Variants in RASAL2 observed in about 807,000 individuals in gnomAD.
RASAL2 encodes RAS protein activator like 2.
In RASAL2, 58 loss-of-function variants were observed where a neutral mutation model predicts 128.9. That is an observed-to-expected ratio of 0.45 (90% CI 0.36 to 0.56). The LOEUF (loss-of-function observed/expected upper bound fraction) is 0.56. RASAL2 is among the 20% of genes least tolerant of loss of function. The probability of loss-of-function intolerance (pLI) is 0.00; values close to 1 mark genes in which losing one functional copy is unlikely to be tolerated. For missense variants in RASAL2, 1,360 were observed against 1,601.6 expected, an observed-to-expected ratio of 0.85 and a Z score of 2.57; for synonymous variants, 561 against 580.8, an observed-to-expected ratio of 0.97 and a Z score of 0.49.
Position 178,477,846 on chromosome 1 carries a change from T to A in RASAL2, c.*4607T>A, listed in dbSNP as rs1648786361. The A allele has an allele frequency of 1.3e-5, 2 of 152,232 alleles. No individual in the cohort carries two copies. The highest frequency in any genetic ancestry group is 4.8e-5 in the African/African-American group (2 of 41,458). The allele number at this position is 152,232 out of a possible 1,614,324, so 9.4% of individuals were successfully genotyped here. On this transcript the variant is annotated 3_prime_UTR_variant, in exon 18 of 18. Coordinates refer to ENST00000367649, the MANE Select transcript of RASAL2 (RefSeq NM_170692.4). ...TATGTATATATAAGTTAAAGCAACT[T>A]GAAATTGACTTGGTTTGGCATTGTC...
intron 1 of RASAL2, among the ~76,000 whole-genome samples, chr1:178,242,675 C>T (rs1664568820): frequency 6.6e-6 from 1 of 151,932 alleles, no homozygotes; most frequent in African/African-American, 2.4e-5. Flanking sequence ...CTTTGAATAC[C>T]CTTTTAGCTC....
chr1:178,206,827 A>G (rs1342614141), intron 1 of RASAL2, among the ~76,000 whole-genome samples: 1 of 152,216 alleles, frequency 6.6e-6, no homozygotes, highest in Non-Finnish European at 1.5e-5. Context: ...CAATAGTGGA[A>G]TGGCTGAATA....
chr1:178,274,771 G>A (rs914974164), intron 1 of RASAL2, among the ~76,000 whole-genome samples: 2 of 151,982 alleles, frequency 1.3e-5, no homozygotes, highest in African/African-American at 4.8e-5. Context: ...TACTCTTTTT[G>A]TAGAGCCAGG....
intron 1 of RASAL2, among the ~76,000 whole-genome samples, chr1:178,113,241 A>G (rs1253288416): frequency 6.6e-6 from 1 of 151,990 alleles, no homozygotes; most frequent in Non-Finnish European, 1.5e-5. Flanking sequence ...TTTGATTACT[A>G]TAGATTAATG....
At chr1:178,351,606 G>A (rs1670507814) in intron 3 of RASAL2, among the ~76,000 whole-genome samples, 3 of 152,086 alleles carry the variant, frequency 2.0e-5, no homozygotes, top group South Asian at 2.1e-4. Flanking sequence ...TGGCGCGGCT[G>A]TAGTCCCAGC....
At chr1:178,442,431 C>G (rs143493807) in intron 7 of RASAL2, among the ~76,000 whole-genome samples, 210 of 151,892 alleles carry the variant, frequency 1.4e-3, no homozygotes, top group African/African-American at 4.3e-3. Context: ...ATTTTCTTAA[C>G]CCAAGTAAAT....
At chr1:178,290,399 TAAAA>T (rs1667221754) in intron 2 of RASAL2, among the ~76,000 whole-genome samples, 1 of 152,172 alleles carries the variant, frequency 6.6e-6, no homozygotes, top group African/African-American at 2.4e-5. Context: ...CTAAAACTAA[TAAAA>T]AGAGAAAAAT....
At chr1:178,121,515 TCTCA>T (rs1292083546) in intron 1 of RASAL2, among the ~76,000 whole-genome samples, 1 of 151,436 alleles carries the variant, frequency 6.6e-6, no homozygotes, top group Non-Finnish European at 1.5e-5. Flanking sequence ...TGGGATGGAG[TCTCA>T]CTCTTGCCCA....
At chr1:178,178,295 A>C (rs1029433940) in intron 1 of RASAL2, among the ~76,000 whole-genome samples, 1 of 152,220 alleles carries the variant, frequency 6.6e-6, no homozygotes, top group African/African-American at 2.4e-5. Flanking sequence ...ATGTGATGTT[A>C]GCAACATGAT....
At chr1:178,121,598 G>A (rs1377676820) in intron 1 of RASAL2, among the ~76,000 whole-genome samples, 1 of 151,884 alleles carries the variant, frequency 6.6e-6, no homozygotes, top group Non-Finnish European at 1.5e-5. Flanking sequence ...TGATTCTCCT[G>A]CCTCAGCCTC....
At chr1:178,202,213 A>G (rs894677330) in intron 1 of RASAL2, among the ~76,000 whole-genome samples, 5 of 152,206 alleles carry the variant, frequency 3.3e-5, no homozygotes, top group South Asian at 4.1e-4. Context: ...TGGAAGTGGT[A>G]TATACATGAT....
chr1:178,371,320 TCC>T lies in RASAL2; in HGVS notation c.458-18778_458-18777del, dbSNP rs1394688189. On this transcript the variant is annotated intron_variant, in intron 3 of 17. Coordinates refer to ENST00000367649, the MANE Select transcript of RASAL2 (RefSeq NM_170692.4). Reference sequence around the variant, plus strand: ...TCTTCTTTCAGATTTCAGCCTTCTTTCCCACACACACACACACACACACACAC... The same window carrying T: ...TCTTCTTTCAGATTTCAGCCTTCTTTCACACACACACACACACACACACAC... 3.1e-3 allele frequency among the ~76,000 whole-genome samples: 322 copies of T among 102,274 alleles called. 2 individuals are homozygous for T. The highest frequency in any genetic ancestry group is 0.015 in the African/African-American group (277 of 18,924). The allele number at this position is 102,274 out of a possible 152,430, so 67.1% of individuals were successfully genotyped here. A position where few individuals can be genotyped will look rare whatever the true frequency, so the allele number is the denominator to read the frequency against.
At chr1:178,132,435 C>T (rs1044648226) in intron 1 of RASAL2, among the ~76,000 whole-genome samples, 6 of 152,046 alleles carry the variant, frequency 3.9e-5, no homozygotes, top group Non-Finnish European at 7.4e-5. Context: ...TTCTGATCTT[C>T]TGTGGGCTTG....
intron 3 of RASAL2, among the ~76,000 whole-genome samples, chr1:178,346,383 A>G (rs996391471): frequency 2.6e-5 from 4 of 151,838 alleles, no homozygotes; most frequent in Non-Finnish European, 5.9e-5. Context: ...CCTGGGTGAC[A>G]GAGCAAAACC....
At chr1:178,203,961 A>G (rs1334802222) in intron 1 of RASAL2, among the ~76,000 whole-genome samples, 1 of 152,098 alleles carries the variant, frequency 6.6e-6, no homozygotes, top group East Asian at 1.9e-4. Context: ...CTCCACCAGG[A>G]AAAAAAACCA....
chr1:178,288,047 C>G (rs1667111501), intron 2 of RASAL2, among the ~76,000 whole-genome samples: 2 of 151,938 alleles, frequency 1.3e-5, no homozygotes, highest in Middle Eastern at 6.8e-3. Flanking sequence ...GACATTAAAT[C>G]ACAATTCAGT....
intron 17 of RASAL2, among the ~76,000 whole-genome samples, chr1:178,469,893 TA>T (rs978325093): frequency 2.0e-5 from 3 of 152,192 alleles, no homozygotes; most frequent in African/African-American, 7.2e-5. Flanking sequence ...CCCTAAAGAA[TA>T]GTTGGGAGAA....
intron 3 of RASAL2, chr1:178,372,095 G>A (rs1277941267): frequency 2.3e-6 from 2 of 882,608 alleles, no homozygotes; most frequent in African/African-American, 1.8e-5. Flanking sequence ...TCAGAGTGGA[G>A]GGAGGATCAC....
At chr1:178,314,149 G>A (rs1259193926) in intron 3 of RASAL2, among the ~76,000 whole-genome samples, 1 of 152,134 alleles carries the variant, frequency 6.6e-6, no homozygotes, top group Admixed American at 6.5e-5. Flanking sequence ...AAATACATAA[G>A]AATTAATTCC....
Sources: allele counts gnomAD v4.1 joint callset (sites outside exome capture counted in the v4.1 genomes callset), GRCh38; gene constraint gnomAD v4.1.1; transcripts MANE v1.5; gene names NCBI Gene and HGNC (gene_info 2026-07-23, HGNC 2026-07-21).